The following RGS6 variants were observed in gnomAD, a reference collection of about 807,000 sequenced individuals.
The protein encoded by RGS6 is regulator of G protein signaling 6, also known as regulator of G-protein signaling 6.
RGS6 carries 30 observed loss-of-function variants against 78.5 expected under a neutral mutation model. That is an observed-to-expected ratio of 0.38 (90% CI 0.29 to 0.52). The LOEUF (loss-of-function observed/expected upper bound fraction) is 0.52. Among genes scored for constraint, RGS6 ranks in the 20% least tolerant of loss-of-function variants. RGS6 has a pLI of 0.85. For missense variants in RGS6, 495 were observed against 609.7 expected (o/e 0.81, Z 1.98); for synonymous variants, 206 against 206.0 (o/e 1.00, Z 0.00).
At chr14:72,600,002 C>T in the RGS6 span, among the ~76,000 whole-genome samples, 2 of 152,116 alleles carry the variant, frequency 1.3e-5, no homozygotes, top group Non-Finnish European at 2.9e-5. Flanking sequence ...GGAGGGAGGG[C>T]CTGCCCCTCC....
rs551080446 is a variant in RGS6, at chr14:72,079,545, C to A, written c.84+114670C>A. Among the ~76,000 whole-genome samples, 5 of 151,978 alleles carry A rather than the reference C, an allele frequency of 3.3e-5. No homozygotes were observed. The South Asian group carries it at 1.0e-3, about 31-fold the overall frequency. On this transcript the variant is annotated intron_variant, in intron 2 of 17. Coordinates refer to ENST00000553525, the MANE Select transcript of RGS6 (RefSeq NM_001204424.2). ...GACTTATCATTTTTTTGTGAGAACACCTAGTGAGAACACCTAGAAGTCACC... is the reference window on the plus strand; with the variant it reads ...GACTTATCATTTTTTTGTGAGAACAACTAGTGAGAACACCTAGAAGTCACC...
intron 2 of RGS6, among the ~76,000 whole-genome samples, chr14:72,081,165 C>T (rs1304053827): frequency 6.6e-6 from 1 of 152,026 alleles, no homozygotes; most frequent in Non-Finnish European, 1.5e-5. Flanking sequence ...TCTTTCCATA[C>T]ATGTGTGTCT....
At chr14:72,093,343 A>G (rs186497575) in intron 2 of RGS6, among the ~76,000 whole-genome samples, 3 of 152,252 alleles carry the variant, frequency 2.0e-5, no homozygotes, top group Admixed American at 2.0e-4. Flanking sequence ...CCCGGGCTCA[A>G]GTGATCCTCC....
At chr14:72,055,993 T>A (rs75464913) in intron 2 of RGS6, among the ~76,000 whole-genome samples, 7,230 of 152,314 alleles carry the variant, frequency 0.047, 239 homozygotes, top group Non-Finnish European at 0.075. Context: ...CAAAGTTTAG[T>A]GTGCATAAGA....
intron 2 of RGS6, among the ~76,000 whole-genome samples, chr14:72,039,422 G>A (rs2092138583): frequency 6.6e-6 from 1 of 152,024 alleles, no homozygotes; most frequent in East Asian, 1.9e-4. Context: ...CCTATGAATT[G>A]GCCCTTTTAT....
intron 3 of RGS6, among the ~76,000 whole-genome samples, chr14:72,454,018 T>C (rs1431251412): frequency 6.6e-6 from 1 of 152,246 alleles, no homozygotes; most frequent in Non-Finnish European, 1.5e-5. Flanking sequence ...AATCTAGCTA[T>C]GGCACAGTGA....
intron 1 of RGS6, 41 bp downstream of exon 1, chr14:71,932,982 G>A (rs2088077210): frequency 1.3e-5 from 2 of 152,368 alleles, no homozygotes; most frequent in Non-Finnish European, 2.9e-5. Flanking sequence ...GAAACAAATG[G>A]GGGAAAAACA....
At chr14:72,453,006 G>A (rs1287374154) in intron 3 of RGS6, among the ~76,000 whole-genome samples, 1 of 152,314 alleles carries the variant, frequency 6.6e-6, no homozygotes. Context: ...ACCCAGGCCT[G>A]TTGCACTTGG....
At chr14:72,558,787 G>T (rs2097625770) in intron 17 of RGS6, among the ~76,000 whole-genome samples, 1 of 152,158 alleles carries the variant, frequency 6.6e-6, no homozygotes. Context: ...TGTCTCAAAG[G>T]TGAAAAGCAC....
chr14:72,047,904 T>G (rs985680035), intron 2 of RGS6, among the ~76,000 whole-genome samples: 47 of 147,354 alleles, frequency 3.2e-4, no homozygotes, highest in Non-Finnish European at 5.7e-4. Flanking sequence ...TTTTGTTTTT[T>G]TTTTTTTTTT....
At chr14:71,922,432 A>T in the RGS6 span, among the ~76,000 whole-genome samples, 1 of 152,180 alleles carries the variant, frequency 6.6e-6, no homozygotes, top group Non-Finnish European at 1.5e-5. Context: ...AATGGGAATA[A>T]TGCATATGAT....
At chr14:72,365,897 A>G (rs952573262) in intron 3 of RGS6, among the ~76,000 whole-genome samples, 1 of 152,172 alleles carries the variant, frequency 6.6e-6, no homozygotes, top group Non-Finnish European at 1.5e-5. Flanking sequence ...AGTCTTGATT[A>G]TGCTAAGCTT....
At chr14:72,121,153 C>A (rs995718078) in intron 2 of RGS6, among the ~76,000 whole-genome samples, 1 of 152,134 alleles carries the variant, frequency 6.6e-6, no homozygotes, top group African/African-American at 2.4e-5. Context: ...CCCTGGACAT[C>A]CTCTTCCCTG....
rs928890181 is a variant in RGS6 at position 72,537,682 on chromosome 14, G to A, written c.1368+1407G>A. The A allele has an allele frequency of 5.4e-5, 34 of 632,930 alleles. No homozygotes were observed. In the Admixed American group the frequency reaches 8.9e-4, roughly 16 times the overall value. 39.2% of individuals were successfully genotyped at this position (632,930 alleles called of 1,614,324 possible). A position where few individuals can be genotyped will look rare whatever the true frequency, so the allele number is the denominator to read the frequency against. On this transcript the variant is annotated intron_variant, in intron 16 of 17. Coordinates refer to ENST00000553525, the MANE Select transcript of RGS6 (RefSeq NM_001204424.2). ...GGAAAGAAAAATTATAGGAACTTTTGATAACTCCAGCCCAGATCTCATGGA... is the reference window on the plus strand; with the variant it reads ...GGAAAGAAAAATTATAGGAACTTTTAATAACTCCAGCCCAGATCTCATGGA...
At chr14:72,005,730 T>C (rs991011099) in intron 2 of RGS6, among the ~76,000 whole-genome samples, 3 of 152,192 alleles carry the variant, frequency 2.0e-5, no homozygotes, top group Non-Finnish European at 4.4e-5. Context: ...ATAGCATTTC[T>C]TTCTCCATGT....
chr14:72,240,593 G>A (rs1835527089), intron 2 of RGS6, among the ~76,000 whole-genome samples: 1 of 152,122 alleles, frequency 6.6e-6, no homozygotes, highest in African/African-American at 2.4e-5. Context: ...TAAATTTATA[G>A]TAGGCAGTAC....
intron 15 of RGS6, among the ~76,000 whole-genome samples, chr14:72,532,622 T>C (rs2097197008): frequency 6.6e-6 from 1 of 152,234 alleles, no homozygotes; most frequent in African/African-American, 2.4e-5. Context: ...AAGAAAAGTT[T>C]ATTGAAGATT....
the RGS6 span, among the ~76,000 whole-genome samples, chr14:72,606,504 A>C: frequency 6.6e-6 from 1 of 152,084 alleles, no homozygotes; most frequent in Non-Finnish European, 1.5e-5. Context: ...GCCACTCATC[A>C]ACATCTTATC....
chr14:72,018,029 G>T lies in RGS6; in HGVS notation c.84+53154G>T, dbSNP rs145642300. Among the ~76,000 whole-genome samples the T allele has an allele frequency of 2.8e-3, 421 of 152,156 alleles. 3 individuals carry two copies. The highest frequency in any genetic ancestry group is 9.7e-3 in the African/African-American group (403 of 41,490). On this transcript the variant is annotated intron_variant, in intron 2 of 17. Coordinates refer to ENST00000553525, the MANE Select transcript of RGS6 (RefSeq NM_001204424.2). ...TATAAGTGAGAAAATACAGTGTTTG[G>T]TTTTCTTTTCTTGTGTTAGTCTGCT...
Sources: allele counts gnomAD v4.1 joint callset (sites outside exome capture counted in the v4.1 genomes callset), GRCh38; gene constraint gnomAD v4.1.1; transcripts MANE v1.5; gene names NCBI Gene and HGNC (gene_info 2026-07-23, HGNC 2026-07-21).